Variants in SLC37A1 observed in about 807,000 individuals in gnomAD.
SLC37A1 encodes solute carrier family 37 member 1, also known as glucose-6-phosphate exchanger SLC37A1.
In SLC37A1, 49 loss-of-function variants were observed where a neutral mutation model predicts 75.3. That is an observed-to-expected ratio of 0.65 (90% CI 0.52 to 0.83). The LOEUF (loss-of-function observed/expected upper bound fraction) is 0.83, where lower values mean the gene tolerates loss of function less well. SLC37A1 is among the 40% of genes least tolerant of loss of function. SLC37A1 has a pLI of 0.00. For synonymous variants in SLC37A1, 268 were observed against 292.1 expected (o/e 0.92, Z 0.84); for missense variants, 566 against 695.0 (o/e 0.81, Z 2.09).
intron 6 of SLC37A1, among the ~76,000 whole-genome samples, chr21:42,540,545 G>C (rs572490407): frequency 7.2e-5 from 11 of 152,310 alleles, no homozygotes; most frequent in African/African-American, 1.7e-4. Flanking sequence ...AGATCATGAA[G>C]GTGCTAGAAG....
chr21:42,538,977 G>T (rs1018738318), intron 5 of SLC37A1, among the ~76,000 whole-genome samples: 6 of 152,200 alleles, frequency 3.9e-5, no homozygotes, highest in African/African-American at 1.4e-4. Context: ...AGGTCAAAGT[G>T]GTGTGGCAGG....
chr21:42,523,289 T>G (rs539486039), intron 2 of SLC37A1, among the ~76,000 whole-genome samples: 2 of 152,272 alleles, frequency 1.3e-5, no homozygotes, highest in Middle Eastern at 3.4e-3. Context: ...TTGAGGAGAT[T>G]GGAGAAGGAA....
intron 2 of SLC37A1, 130 bp from the exon 3 acceptor site, chr21:42,525,646 A>C (rs571960222): frequency 6.8e-5 from 44 of 649,606 alleles, no homozygotes; most frequent in Non-Finnish European, 2.7e-6. Context: ...TGACATAAGT[A>C]ATATTGATAA....
chr21:42,568,504 G>A (rs987007062), intron 17 of SLC37A1, 66 bp downstream of exon 17: 164 of 1,476,252 alleles, frequency 1.1e-4, no homozygotes, highest in Non-Finnish European at 1.1e-4. Context: ...TCACATGCTC[G>A]TGAACAGGTA....
At chr21:42,532,482 G>T (rs1382396730) in intron 3 of SLC37A1, among the ~76,000 whole-genome samples, 1 of 152,190 alleles carries the variant, frequency 6.6e-6, no homozygotes, top group Non-Finnish European at 1.5e-5. Context: ...TTGTAGTGGC[G>T]ATGCTTAGGC....
chr21:42,555,828 C>T (rs2055675329), intron 10 of SLC37A1, among the ~76,000 whole-genome samples: 1 of 152,238 alleles, frequency 6.6e-6, no homozygotes, highest in Non-Finnish European at 1.5e-5. Flanking sequence ...CACTGGCAGG[C>T]CTTATTTCAG....
intron 2 of SLC37A1, among the ~76,000 whole-genome samples, chr21:42,506,236 T>G (rs1209051252): frequency 1.3e-5 from 2 of 152,252 alleles, no homozygotes; most frequent in Admixed American, 1.3e-4. Context: ...TATTTGATTT[T>G]TAAACCTCTA....
intron 10 of SLC37A1, among the ~76,000 whole-genome samples, chr21:42,556,195 G>A (rs1031154946): frequency 2.0e-5 from 3 of 152,226 alleles, no homozygotes; most frequent in Non-Finnish European, 2.9e-5. Flanking sequence ...AGGTCCCCGC[G>A]GGCGTTTTAG....
intron 18 of SLC37A1, among the ~76,000 whole-genome samples, chr21:42,577,563 C>G (rs2056335271): frequency 1.3e-5 from 2 of 152,066 alleles, no homozygotes; most frequent in Admixed American, 6.5e-5. Context: ...TGTTGTCAAG[C>G]CAATAGCAAT....
rs2056403864 is a variant in SLC37A1, at chr21:42,580,504, AC to A, written c.*146del. ...GCACCTGGAAAAGACACAGAAGCCA[AC>A]CTGAGAACCCCTGGTGCTATTTTAA... On this transcript the variant is annotated 3_prime_UTR_variant, in exon 20 of 20. Coordinates refer to ENST00000352133, the MANE Select transcript of SLC37A1 (RefSeq NM_001320537.2). 1.3e-6 allele frequency: 1 copy of A among 795,558 alleles called. No individual in the cohort carries two copies. Among genetic ancestry groups the A allele is most frequent in the African/African-American group, 1.7e-5 (1 of 57,402 alleles). 49.3% of individuals were successfully genotyped at this position (795,558 alleles called of 1,614,324 possible). A position where few individuals can be genotyped will look rare whatever the true frequency, so the allele number is the denominator to read the frequency against.
In SLC37A1 at chr21:42,529,371, A is replaced by C. The variant is rs184152483; in HGVS notation, c.138+3514A>C. ...GATTACCTGAGGTCAGCAGTTCGAG[A>C]CCAGCCTGACCATCTCTACTAAATG... On this transcript the variant is annotated intron_variant, in intron 3 of 19. Transcript: ENST00000352133. Among the ~76,000 whole-genome samples the C allele has an allele frequency of 6.8e-3, 1,031 of 152,184 alleles. 35 individuals are homozygous for C. Among genetic ancestry groups the C allele is most frequent in the Admixed American group, 0.063 (964 of 15,294 alleles).
At chr21:42,518,538 CA>C in intron 2 of SLC37A1, 28 bp downstream of exon 2, 1 of 1,613,714 alleles carries the variant, frequency 6.2e-7, no homozygotes, top group Non-Finnish European at 8.5e-7. Flanking sequence ...AGGCCCTTGG[CA>C]TGGAGCTGTG....
Position 42,568,764 on chromosome 21 carries a change from A to G in SLC37A1, c.1423+326A>G, listed in dbSNP as rs117083958. Among the ~76,000 whole-genome samples, 71 of 151,258 alleles carry G rather than the reference A, an allele frequency of 4.7e-4. No individual in the cohort carries two copies. In the East Asian group the frequency reaches 0.013, roughly 28 times the overall value. On this transcript the variant is annotated intron_variant, in intron 17 of 19. Transcript: ENST00000352133. ...TCTCAAGAAAGGCAGAATCTTATTT[A>G]AATTACAGAAAAACCAATTGGTCCA...
In SLC37A1 at chr21:42,573,101, T is replaced by C. The variant is rs771456319; in HGVS notation, c.1424-1717T>C. ...GTCTTTCCCCAGATCCCCTGTCGCC[T>C]GTTAGGTGAGCATCCCTGTCCTGCA... On this transcript the variant is annotated intron_variant, in intron 17 of 19. Transcript: ENST00000352133. 1.4e-4 allele frequency among the ~76,000 whole-genome samples: 22 copies of C among 152,274 alleles called. 1 individual carries two copies. The highest frequency in any genetic ancestry group is 2.9e-4 in the Non-Finnish European group (20 of 68,012).
At chr21:42,549,943 A>G (rs2055516192) in intron 9 of SLC37A1, among the ~76,000 whole-genome samples, 1 of 152,156 alleles carries the variant, frequency 6.6e-6, no homozygotes, top group Non-Finnish European at 1.5e-5. Context: ...CAAGTTTCCA[A>G]CAGTTGGCCA....
At chr21:42,564,861 C>A in intron 14 of SLC37A1, 68 bp downstream of exon 14, 1 of 1,438,324 alleles carries the variant, frequency 7.0e-7, no homozygotes. Flanking sequence ...CCTCGCCAGC[C>A]AGCATCCTTC....
At chr21:42,579,456 C>T in intron 18 of SLC37A1, among the ~76,000 whole-genome samples, 1 of 97,714 alleles carries the variant, frequency 1.0e-5, no homozygotes, top group South Asian at 3.5e-4. Flanking sequence ...GTTCAGGCTG[C>T]ATCTCTCCCA....
intron 17 of SLC37A1, among the ~76,000 whole-genome samples, chr21:42,574,302 T>C (rs2056258536): frequency 6.6e-6 from 1 of 152,208 alleles, no homozygotes; most frequent in Admixed American, 6.5e-5. Context: ...TCAGATTTCC[T>C]TACGTGTACT....
intron 1 of SLC37A1, among the ~76,000 whole-genome samples, chr21:42,500,864 C>A (rs909664904): frequency 6.6e-5 from 10 of 152,170 alleles, no homozygotes; most frequent in East Asian, 3.9e-4. Flanking sequence ...AATTGGCACC[C>A]AGCAAGGAGG....
Sources: allele counts gnomAD v4.1 joint callset (sites outside exome capture counted in the v4.1 genomes callset), GRCh38; gene constraint gnomAD v4.1.1; transcripts MANE v1.5; gene names NCBI Gene and HGNC (gene_info 2026-07-23, HGNC 2026-07-21).